CAMKK1: variants seen among roughly 807,000 people sequenced by gnomAD.
CAMKK1 encodes calcium/calmodulin-dependent protein kinase kinase 1.
CAMKK1 carries 20 observed loss-of-function variants against 63.5 expected under a neutral mutation model. The ratio of observed to expected loss-of-function variants is 0.32; its 90% confidence interval spans 0.22 to 0.46. The LOEUF (loss-of-function observed/expected upper bound fraction) is 0.46. Among genes scored for constraint, CAMKK1 ranks in the 20% least tolerant of loss-of-function variants. The pLI is 1.00. For synonymous variants in CAMKK1, 253 were observed against 269.0 expected, an observed-to-expected ratio of 0.94 and a Z score of 0.58; for missense variants, 588 against 658.1, an observed-to-expected ratio of 0.89 and a Z score of 1.17.
In CAMKK1 at chr17:3,892,956, G is replaced by C. The variant is rs927441100; in HGVS notation, c.-61C>G. ...ATCCCTACCTGGGCGCCGGGCGACAGTGTCCGCGGCCCGGCGGGCGGCCCC... is the reference window on the plus strand; with the variant it reads ...ATCCCTACCTGGGCGCCGGGCGACACTGTCCGCGGCCCGGCGGGCGGCCCC... On this transcript the variant is annotated 5_prime_UTR_variant, in exon 1 of 16. Coordinates refer to ENST00000348335, the MANE Select transcript of CAMKK1 (RefSeq NM_032294.3). This position sits in a 1 kb window ranked among gnomAD's most constrained non-coding sequence, Gnocchi z 7.5. The C allele has an allele frequency of 6.6e-6, 1 of 151,158 alleles. No homozygotes were observed. The highest frequency in any genetic ancestry group is 2.4e-5 in the African/African-American group (1 of 41,158). 9.4% of individuals were successfully genotyped at this position (151,158 alleles called of 1,614,324 possible).
At chr17:3,871,347 G>GTTTTTTTTTTTTT (rs869219931) in intron 12 of CAMKK1, among the ~76,000 whole-genome samples, 39 of 104,362 alleles carry the variant, frequency 3.7e-4, no homozygotes, top group African/African-American at 8.0e-4. Flanking sequence ...TTTTTTTTTT[G>GTTTTTTTTTTTTT]TTTTTTTTTT....
At chr17:3,876,540 C>G in intron 9 of CAMKK1, 118 bp from the exon 10 acceptor site, 2 of 817,026 alleles carry the variant, frequency 2.4e-6, no homozygotes, top group South Asian at 3.2e-5. Flanking sequence ...TGCACACTTT[C>G]GTCTGGTGAC....
intron 15 of CAMKK1, 140 bp downstream of exon 15, chr17:3,865,768 A>T: frequency 2.0e-6 from 3 of 1,464,432 alleles, no homozygotes; most frequent in Non-Finnish European, 2.7e-6. Context: ...CAGAGATGCA[A>T]ATGGGGCCAA....
intron 12 of CAMKK1, among the ~76,000 whole-genome samples, chr17:3,870,111 A>C (rs1280337115): frequency 1.3e-5 from 2 of 152,176 alleles, no homozygotes; most frequent in Admixed American, 1.3e-4. Flanking sequence ...TGGACACCCC[A>C]ATGGGTGGCA....
At chr17:3,866,740 C>T (rs528640040) in intron 14 of CAMKK1, among the ~76,000 whole-genome samples, 6 of 150,766 alleles carry the variant, frequency 4.0e-5, no homozygotes, top group East Asian at 3.9e-4. Context: ...TTTTTTCAGA[C>T]GGAGTTTTGC....
rs2055876593 is a variant in CAMKK1, at chr17:3,890,893, A to C, written c.-44+2046T>G. On this transcript the variant is annotated intron_variant, in intron 1 of 15. Coordinates refer to ENST00000348335, the MANE Select transcript of CAMKK1 (RefSeq NM_032294.3). The surrounding 1 kb of genome is among the most constrained non-coding windows in gnomAD (Gnocchi z 6.5). ...GAGCTCACCAAGTCAAACCCCTTAG[A>C]AGTCCAGATTCTACCCACTGCTTCG... 2 of 681,042 alleles carry C rather than the reference A, an allele frequency of 2.9e-6. No individual in the cohort carries two copies. Among genetic ancestry groups the C allele is most frequent in the Admixed American group, 2.1e-5 (1 of 48,236 alleles). The allele number at this position is 681,042 out of a possible 1,614,324, so 42.2% of individuals were successfully genotyped here.
In CAMKK1 at chr17:3,885,584, G is replaced by A; in HGVS notation, c.104C>T (p.Pro35Leu). 2 of 1,614,110 alleles carry A rather than the reference G, an allele frequency of 1.2e-6. No homozygotes were observed. Among genetic ancestry groups the A allele is most frequent in the Non-Finnish European group, 1.7e-6 (2 of 1,180,026 alleles). Residue 35 changes from proline to leucine, a missense_variant, in exon 2 of 16, where the codon CCA (proline) becomes CTA (leucine). This residue lies in a region of CAMKK1 where 357 missense variants were observed against 407.4 expected (regional missense o/e 0.88). Coordinates refer to ENST00000348335, the MANE Select transcript of CAMKK1 (RefSeq NM_032294.3). ...GTCCACACCGTTTCTAGTAGGCTCT[G>A]GGCCACCATCTGCCTCCTCCAAGTG... ...VTHLEEADGG[P>L]EPTRNGVDPP...
Position 3,876,385 on chromosome 17 carries a change from T to C in CAMKK1, c.834A>G (p.Pro278=). 1 of 1,614,228 alleles carries C rather than the reference T, an allele frequency of 6.2e-7. No homozygotes were observed. The highest frequency in any genetic ancestry group is 1.1e-5 in the South Asian group (1 of 91,090). The change falls in exon 10 of 16, where the codon CCA becomes CCG. Residue 278 remains proline (P), a synonymous_variant. Transcript: ENST00000348335. The stretch of plus-strand genomic sequence containing the variant: ...CATCATCCCCCAGGAGCAGGTTGGA[T>C]GGCTTGATGTCCCTGTGGACGATCT... ...CQKIVHRDIK[P]SNLLLGDDGH... is the part of the protein sequence containing the mutation.
At chr17:3,875,184 G>T (rs1282155738) in intron 10 of CAMKK1, among the ~76,000 whole-genome samples, 1 of 152,116 alleles carries the variant, frequency 6.6e-6, no homozygotes, top group African/African-American at 2.4e-5. Context: ...GTGAATCTGG[G>T]TAAAAAGATA....
At position 3,882,785 on chromosome 17, in the gene CAMKK1, G is replaced by C. The variant is rs1263391627; in HGVS notation, c.649-221C>G. 6.6e-6 allele frequency among the ~76,000 whole-genome samples: 1 copy of C among 152,124 alleles called. No individual in the cohort carries two copies. Among genetic ancestry groups the C allele is most frequent in the Non-Finnish European group, 1.5e-5 (1 of 68,014 alleles). On this transcript the variant is annotated intron_variant, in intron 6 of 15. Transcript: ENST00000348335. This position sits in a 1 kb window ranked among gnomAD's most constrained non-coding sequence, Gnocchi z 4.3. ...CGACATCCAGCCTTCCTCCCCTCCA[G>C]CTGCAATGAGGGGCTCACTTCTTGC... is the stretch of plus-strand genomic sequence containing the variant.
intron 15 of CAMKK1, among the ~76,000 whole-genome samples, chr17:3,863,722 A>T (rs569529420): frequency 2.4e-4 from 37 of 151,964 alleles, no homozygotes; most frequent in African/African-American, 7.5e-4. Context: ...TTTTTTTTTT[A>T]AAAAGCTCTA....
At chr17:3,876,794 G>T (rs2055183364) in intron 9 of CAMKK1, among the ~76,000 whole-genome samples, 8 of 127,132 alleles carry the variant, frequency 6.3e-5, no homozygotes, top group East Asian at 2.3e-4. Context: ...GTCTCACTCT[G>T]TCCCCCAGGC....
chr17:3,875,541 C>T (rs2055110517), intron 10 of CAMKK1, among the ~76,000 whole-genome samples: 1 of 152,106 alleles, frequency 6.6e-6, no homozygotes, highest in African/African-American at 2.4e-5. Context: ...CCTTGGCCTC[C>T]CAAAGCACTG....
rs2055800902 is a variant in CAMKK1, at chr17:3,889,367, C to T, written c.-44+3572G>A. ...TGGTACAGCGAAGGATTCCTGTGGG[C>T]ATGGGCACTGGCTTAGTCCTGCGGC... On this transcript the variant is annotated intron_variant, in intron 1 of 15. Transcript: ENST00000348335. The surrounding 1 kb of genome is among the most constrained non-coding windows in gnomAD (Gnocchi z 5.2). Among the ~76,000 whole-genome samples, 3 of 152,146 alleles carry T rather than the reference C, an allele frequency of 2.0e-5. No individual in the cohort carries two copies. The highest frequency in any genetic ancestry group is 1.5e-5 in the Non-Finnish European group (1 of 68,012).
At chr17:3,871,770 C>T (rs1441442105) in intron 12 of CAMKK1, among the ~76,000 whole-genome samples, 1 of 151,416 alleles carries the variant, frequency 6.6e-6, no homozygotes, top group Non-Finnish European at 1.5e-5. Context: ...TTCAGCCTCC[C>T]GAGTAGCTGG....
chr17:3,876,558 G>A, intron 9 of CAMKK1, 136 bp from the exon 10 acceptor site: 1 of 705,810 alleles, frequency 1.4e-6, no homozygotes, highest in Non-Finnish European at 2.4e-6. Context: ...GACGACCTGG[G>A]AGGAGGACGT....
In CAMKK1 at chr17:3,866,716, A is replaced by G. The variant is rs549631372; in HGVS notation, c.1342-705T>C. On this transcript the variant is annotated intron_variant, in intron 14 of 15. Coordinates refer to ENST00000348335, the MANE Select transcript of CAMKK1 (RefSeq NM_032294.3). The stretch of plus-strand genomic sequence containing the variant: ...CACTGAGGCCAGAATTCCTGCCCTC[A>G]TATAGCCTTTTTTTTTTTTCAGACG... 3.1e-3 allele frequency among the ~76,000 whole-genome samples: 423 copies of G among 136,560 alleles called. 1 individual carries two copies. Among genetic ancestry groups the G allele is most frequent in the African/African-American group, 0.01 (392 of 38,122 alleles). 89.6% of individuals were successfully genotyped at this position (136,560 alleles called of 152,430 possible). A position where few individuals can be genotyped will look rare whatever the true frequency, so the allele number is the denominator to read the frequency against.
chr17:3,872,413 C>G lies in CAMKK1; in HGVS notation c.1124+141G>C. 5.9e-6 allele frequency: 4 copies of G among 681,040 alleles called. No homozygotes were observed. In the East Asian group the frequency reaches 1.1e-4, roughly 18 times the overall value. 42.2% of individuals were successfully genotyped at this position (681,040 alleles called of 1,614,324 possible). On this transcript the variant is annotated intron_variant, in intron 12 of 15. Transcript: ENST00000348335. ...CCAGAGTCCCTCCCGTCCATCTATT[C>G]AGGGGTCCCTCCCAGGGAACAGCAC...
intron 9 of CAMKK1, among the ~76,000 whole-genome samples, chr17:3,878,049 G>C (rs1189187280): frequency 6.6e-6 from 1 of 152,102 alleles, no homozygotes; most frequent in Non-Finnish European, 1.5e-5. Flanking sequence ...AAAAACTTCA[G>C]GATCATCCTC....
Sources: gnomAD v4.1 joint callset for allele counts (sites outside exome capture counted in the v4.1 genomes callset) on GRCh38, gnomAD v4.1.1 for gene constraint, gnomAD v4.1.1 regional missense constraint, Gnocchi (gnomAD v3.1) non-coding constraint, MANE v1.5 for transcripts, NCBI Gene and HGNC (gene_info 2026-07-23, HGNC 2026-07-21) for gene names.